Variants in CRABP2 observed in about 807,000 individuals in gnomAD.
The protein encoded by CRABP2 is cellular retinoic acid-binding protein 2.
A neutral mutation model predicts 17.9 loss-of-function variants in CRABP2; 20 were observed. The ratio of observed to expected loss-of-function variants is 1.12; its 90% CI spans 0.79 to 1.63. The LOEUF is 1.63. Among genes scored for constraint, CRABP2 ranks in the 40% most tolerant of loss-of-function variants. The pLI, the probability that CRABP2 is intolerant of heterozygous loss-of-function variation, is 0.00. For synonymous variants in CRABP2, 76 were observed against 66.4 expected (o/e 1.14, Z -0.70); for missense variants, 151 against 168.6 (o/e 0.90, Z 0.58).
chr1:156,700,494 G>A, intron 3 of CRABP2, 48 bp downstream of exon 3: 2 of 1,457,138 alleles, frequency 1.4e-6, no homozygotes, highest in South Asian at 2.3e-5. Flanking sequence ...AGAGAATCTT[G>A]GAAGGTAGCA....
rs1272811883 is a variant in CRABP2 at position 156,705,340 on chromosome 1, C to T, written c.70+37G>A. ...CCCAACTTCGAGGACTCCAGAGCCC[C>T]CCCTTGCCCCACCTGGGCCCTCGAA... On this transcript the variant is annotated intron_variant, in intron 1 of 3. Coordinates refer to ENST00000368222, the MANE Select transcript of CRABP2 (RefSeq NM_001878.4). The surrounding 1 kb of genome is among the most constrained non-coding windows in gnomAD (Gnocchi z 5.2). 6.2e-7 allele frequency: 1 copy of T among 1,610,334 alleles called. No homozygotes were observed. The highest frequency in any genetic ancestry group is 1.1e-5 in the South Asian group (1 of 91,018).
rs112009212 is a variant in CRABP2, at chr1:156,700,873, C to A, written c.249+1G>T. The A allele has an allele frequency of 6.2e-7, 1 of 1,612,790 alleles. No homozygotes were observed. Among genetic ancestry groups the A allele is most frequent in the Non-Finnish European group, 8.5e-7 (1 of 1,178,970 alleles). On this transcript the variant is annotated splice_donor_variant, in intron 2 of 3. Transcript: ENST00000368222. LOFTEE classifies it high-confidence loss of function. Reference sequence around the variant, plus strand: ...ACCCTGGAGCCCCTTCTGGCACTCACCTTACAGGGCCTCCCATCCACAGTC... The same window carrying A: ...ACCCTGGAGCCCCTTCTGGCACTCAACTTACAGGGCCTCCCATCCACAGTC...
At chr1:156,702,540 A>G (rs1199289817) in intron 1 of CRABP2, among the ~76,000 whole-genome samples, 1 of 152,118 alleles carries the variant, frequency 6.6e-6, no homozygotes, top group Admixed American at 6.5e-5. Flanking sequence ...TAGGAGGCCG[A>G]GGTGGGTGGA....
rs200552938 is a variant in CRABP2 at position 156,700,835 on chromosome 1, C to T, written c.249+39G>A. On this transcript the variant is annotated intron_variant, in intron 2 of 3. Coordinates refer to ENST00000368222, the MANE Select transcript of CRABP2 (RefSeq NM_001878.4). The stretch of plus-strand genomic sequence containing the variant: ...GAAAATGGCAGGTTGAGAGGCAGGG[C>T]AATGACGCCATGACCCTGGAGCCCC... 1.1e-5 allele frequency: 17 copies of T among 1,595,222 alleles called. No individual in the cohort carries two copies. In the East Asian group the frequency reaches 1.8e-4, roughly 17 times the overall value.
intron 1 of CRABP2, 31 bp from the exon 2 acceptor site, chr1:156,701,083 AGG>A: frequency 6.2e-7 from 1 of 1,608,414 alleles, no homozygotes; most frequent in Non-Finnish European, 8.5e-7. Flanking sequence ...CTCACCTTTT[AGG>A]GGCCTTTGGG....
At position 156,705,338 on chromosome 1, in the gene CRABP2, C is replaced by G; in HGVS notation, c.70+39G>C. On this transcript the variant is annotated intron_variant, in intron 1 of 3. Coordinates refer to ENST00000368222, the MANE Select transcript of CRABP2 (RefSeq NM_001878.4). The surrounding 1 kb of genome is among the most constrained non-coding windows in gnomAD (Gnocchi z 5.2). ...TCCCCAACTTCGAGGACTCCAGAGC[C>G]CCCCCTTGCCCCACCTGGGCCCTCG... The G allele has an allele frequency of 6.2e-7, 1 of 1,608,046 alleles. No individual in the cohort carries two copies.
In CRABP2 at chr1:156,705,242, C is replaced by T; in HGVS notation, c.70+135G>A. The stretch of plus-strand genomic sequence containing the variant: ...TGCCCAGAGCCCCGGGACCCGGACG[C>T]CTGGCACGTTTTTCGGGGATGCAGG... On this transcript the variant is annotated intron_variant, in intron 1 of 3. Coordinates refer to ENST00000368222, the MANE Select transcript of CRABP2 (RefSeq NM_001878.4). This position sits in a 1 kb window ranked among gnomAD's most constrained non-coding sequence, Gnocchi z 5.2. 1 of 964,578 alleles carries T rather than the reference C, an allele frequency of 1.0e-6. No individual in the cohort carries two copies. The highest frequency in any genetic ancestry group is 1.6e-6 in the Non-Finnish European group (1 of 613,050). 59.8% of individuals were successfully genotyped at this position (964,578 alleles called of 1,614,324 possible). A position where few individuals can be genotyped will look rare whatever the true frequency, so the allele number is the denominator to read the frequency against.
chr1:156,700,519 A>G, intron 3 of CRABP2, 23 bp downstream of exon 3: 3 of 1,568,608 alleles, frequency 1.9e-6, no homozygotes, highest in Non-Finnish European at 2.6e-6. Flanking sequence ...GTTTGCTATT[A>G]GTGGGGAGGA....
At chr1:156,700,260 G>C (rs898259170) in intron 3 of CRABP2, among the ~76,000 whole-genome samples, 184 bp from the exon 4 acceptor site, 8 of 152,140 alleles carry the variant, frequency 5.3e-5, no homozygotes, top group African/African-American at 1.9e-4. Flanking sequence ...TAGCAATAGA[G>C]CCCCTGGGGC....
At chr1:156,702,758 G>A (rs144638266) in intron 1 of CRABP2, among the ~76,000 whole-genome samples, 5,575 of 120,336 alleles carry the variant, frequency 0.046, 378 homozygotes, top group African/African-American at 0.17. Flanking sequence ...GGCAACAAGA[G>A]CAAAACTCTG....
rs968024403 is a variant in CRABP2 at position 156,703,557 on chromosome 1, C to G, written c.70+1820G>C. On this transcript the variant is annotated intron_variant, in intron 1 of 3. Transcript: ENST00000368222. ...CAGGATTTCCCTGCCCCTGATCTGG[C>G]CAACTCCCTGGACCTCCTCCAGACC... Among the ~76,000 whole-genome samples, 39 of 152,122 alleles carry G rather than the reference C, an allele frequency of 2.6e-4. 1 individual carries two copies. Among genetic ancestry groups the G allele is most frequent in the Admixed American group, 1.3e-4 (2 of 15,278 alleles).
At chr1:156,702,322 G>A (rs1308125141) in intron 1 of CRABP2, among the ~76,000 whole-genome samples, 4 of 151,004 alleles carry the variant, frequency 2.6e-5, no homozygotes, top group African/African-American at 7.3e-5. Flanking sequence ...ATAGTGGCGC[G>A]CACCTGTAAT....
chr1:156,704,992 C>A (rs1246082974), intron 1 of CRABP2, among the ~76,000 whole-genome samples: 1 of 152,242 alleles, frequency 6.6e-6, no homozygotes. Flanking sequence ...GGTAGGGAAC[C>A]GGGCTCCCAG....
At chr1:156,703,510 G>A (rs796895121) in intron 1 of CRABP2, among the ~76,000 whole-genome samples, 10 of 152,296 alleles carry the variant, frequency 6.6e-5, no homozygotes, top group African/African-American at 2.4e-4. Context: ...AGGCGGGGGT[G>A]AAAGGGCCCT....
chr1:156,700,772 C>A, intron 2 of CRABP2, 102 bp downstream of exon 2: 2 of 1,525,354 alleles, frequency 1.3e-6, no homozygotes, highest in Non-Finnish European at 1.8e-6. Flanking sequence ...ATTTTCCCTA[C>A]TGGGACAGAG....
In CRABP2 at chr1:156,705,226, C is replaced by T; in HGVS notation, c.70+151G>A. 1 of 834,806 alleles carries T rather than the reference C, an allele frequency of 1.2e-6. No individual in the cohort carries two copies. The highest frequency in any genetic ancestry group is 2.0e-6 in the Non-Finnish European group (1 of 507,552). The allele number at this position is 834,806 out of a possible 1,614,324, so 51.7% of individuals were successfully genotyped here. ...CGGGATTTAGGCGTCGTGCCCAGAG[C>T]CCCGGGACCCGGACGCCTGGCACGT... On this transcript the variant is annotated intron_variant, in intron 1 of 3. Transcript: ENST00000368222. This position sits in a 1 kb window ranked among gnomAD's most constrained non-coding sequence, Gnocchi z 5.2.
chr1:156,705,622 C>T (rs1450764289), upstream of CRABP2: 11 of 613,294 alleles, frequency 1.8e-5, no homozygotes, highest in Non-Finnish European at 2.8e-5. This position sits in a 1 kb window ranked among gnomAD's most constrained non-coding sequence, Gnocchi z 5.2. Context: ...ATACCCTGTA[C>T]GGAACCGCCC....
rs867628673 is a variant in CRABP2 at position 156,705,396 on chromosome 1, C to T, written c.51G>A (p.Glu17=). The T allele has an allele frequency of 6.2e-7, 1 of 1,614,188 alleles. No individual in the cohort carries two copies. Among genetic ancestry groups the T allele is most frequent in the Non-Finnish European group, 8.5e-7 (1 of 1,180,020 alleles). ...NWKIIRSENF[E]ELLKVLGVNV... is the part of the protein sequence containing the mutation. ...CCTTACCCAGCACTTTGAGCAATTC[C>T]TCGAAGTTTTCCGATCGGATGATTT... Residue 17 remains glutamate (E), a synonymous_variant, in exon 1 of 4, where the codon GAG becomes GAA. Transcript: ENST00000368222. This position sits in a 1 kb window ranked among gnomAD's most constrained non-coding sequence, Gnocchi z 5.2.
chr1:156,705,631 C>T, upstream of CRABP2: 1 of 581,664 alleles, frequency 1.7e-6, no homozygotes, highest in Non-Finnish European at 3.0e-6. The surrounding 1 kb of genome is among the most constrained non-coding windows in gnomAD (Gnocchi z 5.2). Flanking sequence ...ACGGAACCGC[C>T]CCTGCCCAGG....
Sources: gnomAD v4.1 joint callset for allele counts (sites outside exome capture counted in the v4.1 genomes callset) on GRCh38, gnomAD v4.1.1 for gene constraint, Gnocchi (gnomAD v3.1) non-coding constraint, MANE v1.5 for transcripts, NCBI Gene and HGNC (gene_info 2026-07-23, HGNC 2026-07-21) for gene names.